Variants in GALNT16 observed in about 807,000 individuals in gnomAD.
GALNT16 encodes the protein UDP-GalNAc:polypeptide N-acetylgalactosaminyltransferase-like protein 1.
A neutral mutation model predicts 76.1 loss-of-function variants in GALNT16; 40 were observed. The observed-to-expected ratio is 0.53, with a 90% CI of 0.41 to 0.68. The LOEUF (loss-of-function observed/expected upper bound fraction) is 0.68, where lower values mean the gene tolerates loss of function less well. Ranked by LOEUF, GALNT16 falls within the 30% of genes least tolerant of loss-of-function variation. The pLI, the probability that GALNT16 is intolerant of heterozygous loss-of-function variation, is 0.00. For synonymous variants in GALNT16, 276 were observed against 285.2 expected (o/e 0.97, Z 0.32); for missense variants, 621 against 731.9 (o/e 0.85, Z 1.75).
At chr14:69,284,145 C>T (rs1229891653) in intron 1 of GALNT16, among the ~76,000 whole-genome samples, 1 of 152,172 alleles carries the variant, frequency 6.6e-6, no homozygotes, top group Non-Finnish European at 1.5e-5. Context: ...GGCTGGACCT[C>T]CTCCTTATCT....
chr14:69,372,487 TAGCC>T, the GALNT16 span, among the ~76,000 whole-genome samples: 896 of 146,434 alleles, frequency 6.1e-3, 8 homozygotes, highest in Non-Finnish European at 9.5e-3. Context: ...TAGTGATCAT[TAGCC>T]TTTTTTTTTT....
At chr14:69,313,354 G>A (rs1027629042) in intron 1 of GALNT16, among the ~76,000 whole-genome samples, 4 of 152,236 alleles carry the variant, frequency 2.6e-5, no homozygotes, top group Admixed American at 6.5e-5. Context: ...GATGGCCTCT[G>A]GGCTGGGCAA....
Position 69,341,680 on chromosome 14 carries a change from G to C in GALNT16, c.1188-1G>C. ...AGCCCAAGCCCTGCCTCCTCCTACA[G>C]TGTGGCTACGCGGATAGAGCAGAGG... On this transcript the variant is annotated splice_acceptor_variant, in intron 11 of 14. Transcript: ENST00000448469. LOFTEE classifies it high-confidence loss of function. 1 of 1,608,432 alleles carries C rather than the reference G, an allele frequency of 6.2e-7. No individual in the cohort carries two copies. Among genetic ancestry groups the C allele is most frequent in the East Asian group, 2.2e-5 (1 of 44,658 alleles).
At chr14:69,382,789 C>CAAAAAAAAAAAAAAAAAAA in the GALNT16 span, among the ~76,000 whole-genome samples, 5 of 103,134 alleles carry the variant, frequency 4.8e-5, no homozygotes, top group African/African-American at 1.9e-4. Flanking sequence ...ACTCTATCTC[C>CAAAAAAAAAAAAAAAAAAA]AAAAGAAAAA....
At position 69,347,129 on chromosome 14, in the gene GALNT16, T is replaced by G. The variant is rs747964604; in HGVS notation, c.1361T>G (p.Leu454Arg). The G allele has an allele frequency of 1.2e-6, 2 of 1,613,682 alleles. No homozygotes were observed. Among genetic ancestry groups the G allele is most frequent in the Non-Finnish European group, 1.7e-6 (2 of 1,179,826 alleles). ...GGCCAGAACACAGCTGGTGACTTCC[T>G]GCTTGGAATGGGGATCTGCAGAGGG... ...SQGQNTAGDFLLGMGICRGSA... is the reference protein window; with the variant it reads ...SQGQNTAGDFRLGMGICRGSA... The change falls in exon 13 of 15, where the codon CTG becomes CGG. Residue 454 changes from leucine to arginine, a missense_variant. Physicochemically the swap from Leu to Arg is moderately radical, Grantham distance 102. Transcript: ENST00000448469.
rs1439864375 is a variant in GALNT16, at chr14:69,333,668, C to A, written c.967+68C>A. The A allele has an allele frequency of 1.2e-6, 1 of 848,144 alleles. No individual in the cohort carries two copies. The highest frequency in any genetic ancestry group is 1.7e-5 in the African/African-American group (1 of 60,344). The allele number at this position is 848,144 out of a possible 1,614,324, so 52.5% of individuals were successfully genotyped here. On this transcript the variant is annotated intron_variant, in intron 9 of 14. Coordinates refer to ENST00000448469, the MANE Select transcript of GALNT16 (RefSeq NM_001168368.2). The surrounding 1 kb of genome is among the most constrained non-coding windows in gnomAD (Gnocchi z 4.2). ...ATAACCACAGTTAACCCTGACAGAG[C>A]ACTTTCTATGCGTGAGGACCTGCTC...
Position 69,347,170 on chromosome 14 carries a change from C to T in GALNT16, c.1402C>T (p.Gln468Ter). The T allele has an allele frequency of 6.2e-7, 1 of 1,608,570 alleles. No homozygotes were observed. The highest frequency in any genetic ancestry group is 8.5e-7 in the Non-Finnish European group (1 of 1,176,486). ...CTGCAGAGGGTCTGCCAAGAACCCG[C>T]AGCCCGCCCAGGTAAGGACCTCGGG... is the stretch of plus-strand genomic sequence containing the variant. ...GICRGSAKNP[Q>*]PAQAWLFSDH... The change falls in exon 13 of 15, where the codon CAG becomes TAG. Residue 468 changes from glutamine to a stop codon, truncating the protein, a stop_gained. Coordinates refer to ENST00000448469, the MANE Select transcript of GALNT16 (RefSeq NM_001168368.2). LOFTEE classifies it high-confidence loss of function.
At chr14:69,379,217 G>A in the GALNT16 span, among the ~76,000 whole-genome samples, 2 of 152,298 alleles carry the variant, frequency 1.3e-5, no homozygotes, top group South Asian at 4.1e-4. Context: ...TGGGATTATA[G>A]GCGTGAGCCA....
At chr14:69,375,048 A>C in the GALNT16 span, among the ~76,000 whole-genome samples, 1 of 152,212 alleles carries the variant, frequency 6.6e-6, no homozygotes, top group South Asian at 2.1e-4. Context: ...TTTCCAACAC[A>C]TAAACTTTGG....
At chr14:69,385,145 T>C in the GALNT16 span, among the ~76,000 whole-genome samples, 9 of 152,172 alleles carry the variant, frequency 5.9e-5, no homozygotes, top group Non-Finnish European at 1.3e-4. Context: ...TCCTCATATA[T>C]GCCCTCAACC....
chr14:69,370,455 G>A, the GALNT16 span, among the ~76,000 whole-genome samples: 1 of 152,230 alleles, frequency 6.6e-6, no homozygotes, highest in South Asian at 2.1e-4. Flanking sequence ...GATCATGGAT[G>A]CATTGTCAGT....
chr14:69,273,523 T>A (rs1430230221), intron 1 of GALNT16, among the ~76,000 whole-genome samples: 1 of 152,176 alleles, frequency 6.6e-6, no homozygotes, highest in Non-Finnish European at 1.5e-5. Context: ...CACCTTGTAT[T>A]TACTAATCCT....
At chr14:69,367,107 G>A in the GALNT16 span, among the ~76,000 whole-genome samples, 371 of 152,234 alleles carry the variant, frequency 2.4e-3, 3 homozygotes, top group African/African-American at 8.7e-3. Flanking sequence ...TTGTGGAATC[G>A]CAAGAAGTGT....
upstream of GALNT16, chr14:69,260,134 T>G: frequency 1.3e-5 from 2 of 156,616 alleles, no homozygotes; most frequent in South Asian, 1.4e-4. Context: ...TCTCTCCCTA[T>G]CACCCCCCCG....
chr14:69,327,602 C>T (rs1024675250), intron 5 of GALNT16, among the ~76,000 whole-genome samples: 7 of 152,248 alleles, frequency 4.6e-5, no homozygotes, highest in South Asian at 2.1e-4. Context: ...GGCTGGCTGG[C>T]GGGCTGGTAG....
the GALNT16 span, among the ~76,000 whole-genome samples, chr14:69,363,816 G>A: frequency 3.3e-5 from 5 of 152,054 alleles, no homozygotes; most frequent in South Asian, 2.1e-4. Flanking sequence ...GATGCATGCC[G>A]ATCTTGTTAA....
intron 1 of GALNT16, among the ~76,000 whole-genome samples, chr14:69,307,623 C>A (rs2044955427): frequency 6.6e-6 from 1 of 152,192 alleles, no homozygotes; most frequent in Non-Finnish European, 1.5e-5. Context: ...AACTTGACTG[C>A]CGCTATGGAG....
chr14:69,384,706 A>G, the GALNT16 span, among the ~76,000 whole-genome samples: 3 of 145,782 alleles, frequency 2.1e-5, no homozygotes, highest in African/African-American at 7.8e-5. Flanking sequence ...TATTCCTCAA[A>G]TAACAACACA....
chr14:69,333,092 C>G lies in GALNT16; in HGVS notation c.786C>G (p.Asp262Glu). The change falls in exon 8 of 15, where the codon GAC becomes GAG. Residue 262 changes from aspartate (D) to glutamate (E), a missense_variant. Coordinates refer to ENST00000448469, the MANE Select transcript of GALNT16 (RefSeq NM_001168368.2). This position sits in a 1 kb window ranked among gnomAD's most constrained non-coding sequence, Gnocchi z 4.2. Reference protein sequence around the residue: ...AASADLRGGFDWSLHFKWEQI... With the variant: ...AASADLRGGFEWSLHFKWEQI... Reference sequence around the variant, plus strand: ...CCTTGCTGTGTCCCTTAGGGTTCGACTGGAGCCTGCATTTCAAGTGGGAGC... The same window carrying G: ...CCTTGCTGTGTCCCTTAGGGTTCGAGTGGAGCCTGCATTTCAAGTGGGAGC... 6.2e-7 allele frequency: 1 copy of G among 1,613,060 alleles called. No individual in the cohort carries two copies. The highest frequency in any genetic ancestry group is 8.5e-7 in the Non-Finnish European group (1 of 1,178,998).
Sources: allele counts gnomAD v4.1 joint callset (sites outside exome capture counted in the v4.1 genomes callset), GRCh38; gene constraint gnomAD v4.1.1; non-coding constraint Gnocchi (gnomAD v3.1); transcripts MANE v1.5; gene names NCBI Gene and HGNC (gene_info 2026-07-23, HGNC 2026-07-21).